ENDOU: variants seen among roughly 807,000 people sequenced by gnomAD.
The protein encoded by ENDOU is endonuclease, poly(U) specific.
ENDOU carries 49 observed loss-of-function variants against 54.2 expected under a neutral mutation model. The ratio of observed to expected loss-of-function variants is 0.90; its 90% CI spans 0.72 to 1.15. ENDOU has a LOEUF of 1.15. Ranked by LOEUF, ENDOU falls within the 50% of genes most tolerant of loss-of-function variation. The pLI, the probability that ENDOU is intolerant of heterozygous loss-of-function variation, is 0.00. For missense variants in ENDOU, 458 were observed against 511.4 expected (o/e 0.90, Z 1.01); for synonymous variants, 172 against 190.5 (o/e 0.90, Z 0.80).
chr12:47,711,305 T>C (rs1329378703), intron 9 of ENDOU, among the ~76,000 whole-genome samples: 1 of 152,190 alleles, frequency 6.6e-6, no homozygotes, highest in Non-Finnish European at 1.5e-5. Context: ...TCTGGAGCTC[T>C]AGGTTCCCCT....
At position 47,717,650 on chromosome 12, in the gene ENDOU, A is replaced by G. The variant is rs755268421; in HGVS notation, c.250T>C (p.Tyr84His). The G allele has an allele frequency of 6.8e-6, 11 of 1,614,040 alleles. No homozygotes were observed. The South Asian group carries it at 1.2e-4, about 18-fold the overall frequency. The change falls in exon 4 of 10, where the codon TAC (tyrosine) becomes CAC (histidine). Residue 84 changes from tyrosine to histidine, a missense_variant. Coordinates refer to ENST00000422538, the MANE Select transcript of ENDOU (RefSeq NM_001172439.2). ...CCCTGGCAGGAGGTGGGTGCCGAGT[A>G]CAAGTCTGAGAAGAGAGGGGTGGTG... The part of the protein sequence containing the change: ...ETEEALASNL[Y>H]SAPTSCQGRC...
rs1940014515 is a variant in ENDOU at position 47,711,714 on chromosome 12, ACTTC to A, written c.1030_1033del (p.Glu344TrpfsTer31). ...GCTGCTGCCGATGAAAGCAGAGCCC[ACTTC>A]CTTATAGTAGCCGTCCCAGTTGAAC... On this transcript the variant is annotated frameshift_variant, in exon 9 of 10. Coordinates refer to ENST00000422538, the MANE Select transcript of ENDOU (RefSeq NM_001172439.2). LOFTEE classifies it high-confidence loss of function. The A allele has an allele frequency of 1.9e-6, 3 of 1,614,112 alleles. No individual in the cohort carries two copies. Among genetic ancestry groups the A allele is most frequent in the Non-Finnish European group, 2.5e-6 (3 of 1,180,052 alleles).
chr12:47,722,895 G>A (rs983324401), intron 1 of ENDOU, among the ~76,000 whole-genome samples: 5 of 152,202 alleles, frequency 3.3e-5, no homozygotes, highest in East Asian at 1.9e-4. Context: ...CCTTCAAGCC[G>A]GCAGGAACTC....
intron 6 of ENDOU, among the ~76,000 whole-genome samples, chr12:47,715,984 T>G (rs927192215): frequency 6.6e-6 from 1 of 151,702 alleles, no homozygotes; most frequent in Non-Finnish European, 1.5e-5. Context: ...GGGGGTGGGA[T>G]GTGAGGGGAG....
At chr12:47,711,101 C>T (rs1255009774) in intron 9 of ENDOU, among the ~76,000 whole-genome samples, 182 bp from the exon 10 acceptor site, 1 of 152,242 alleles carries the variant, frequency 6.6e-6, no homozygotes, top group Non-Finnish European at 1.5e-5. Context: ...GGAGCCATTT[C>T]AAAATCTTTG....
At chr12:47,723,476 G>T (rs1463731667) in intron 1 of ENDOU, among the ~76,000 whole-genome samples, 1 of 152,184 alleles carries the variant, frequency 6.6e-6, no homozygotes, top group Non-Finnish European at 1.5e-5. Flanking sequence ...AATCACTGCT[G>T]TAGTAACCTG....
chr12:47,714,362 T>C (rs528180379), intron 6 of ENDOU, among the ~76,000 whole-genome samples: 2 of 152,364 alleles, frequency 1.3e-5, no homozygotes, highest in East Asian at 3.9e-4. Flanking sequence ...TGATAGGACC[T>C]TTTAAAAGAT....
chr12:47,710,900 C>T lies in ENDOU; in HGVS notation c.1135G>A (p.Gly379Arg), dbSNP rs369505682. Residue 379 changes from glycine to arginine, a missense_variant, in exon 10 of 10, where the codon GGA becomes AGA. By Grantham distance (125) the Gly-to-Arg change is moderately radical. Transcript: ENST00000422538. The stretch of plus-strand genomic sequence containing the variant: ...TATGTCCGGACAGCTAAGGGATATC[C>T]TCCCAGGCTTAACTGGCACCTGTGG... ...PGKVCQLSLG[G>R]YPLAVRTYTW... The T allele has an allele frequency of 3.6e-5, 58 of 1,612,590 alleles. No homozygotes were observed. Among genetic ancestry groups the T allele is most frequent in the Non-Finnish European group, 4.8e-5 (56 of 1,178,926 alleles).
Position 47,716,895 on chromosome 12 carries a change from T to TG in ENDOU, c.545dup (p.Pro184AlafsTer8). On this transcript the variant is annotated frameshift_variant, in exon 5 of 10. Transcript: ENST00000422538. LOFTEE classifies it high-confidence loss of function. ...GAGGAATTGTGGGAACTCACGGCTT[T>TG]GGGCAGCGATCCACTTGGTTTCTGG... 1 of 1,614,074 alleles carries TG rather than the reference T, an allele frequency of 6.2e-7. No individual in the cohort carries two copies. Among genetic ancestry groups the TG allele is most frequent in the Non-Finnish European group, 8.5e-7 (1 of 1,180,010 alleles).
In ENDOU at chr12:47,710,741, A is replaced by G; in HGVS notation, c.*61T>C. The G allele has an allele frequency of 8.8e-7, 1 of 1,131,958 alleles. No homozygotes were observed. Among genetic ancestry groups the G allele is most frequent in the Non-Finnish European group, 1.4e-6 (1 of 740,028 alleles). The allele number at this position is 1,131,958 out of a possible 1,614,324, so 70.1% of individuals were successfully genotyped here. Reference sequence around the variant, plus strand: ...GTCCTCTCCCTCTTCTCTCTAGTCCAGAGAAGATAGCACTTCAGTCTCGCA... The same window carrying G: ...GTCCTCTCCCTCTTCTCTCTAGTCCGGAGAAGATAGCACTTCAGTCTCGCA... On this transcript the variant is annotated 3_prime_UTR_variant, in exon 10 of 10. Transcript: ENST00000422538.
intron 6 of ENDOU, among the ~76,000 whole-genome samples, chr12:47,715,506 TTCTTCA>T: frequency 6.6e-6 from 1 of 152,218 alleles, no homozygotes; most frequent in East Asian, 1.9e-4. Flanking sequence ...GGATTGCAAC[TTCTTCA>T]TAGAGTCACT....
intron 5 of ENDOU, 137 bp downstream of exon 5, chr12:47,716,752 GC>G (rs1940252760): frequency 2.3e-6 from 2 of 862,652 alleles, no homozygotes; most frequent in African/African-American, 3.4e-5. Context: ...CCTCAAGATG[GC>G]TTTGTCTCTG....
At chr12:47,725,055 TG>T (rs1940542973) in intron 1 of ENDOU, among the ~76,000 whole-genome samples, 1 of 151,970 alleles carries the variant, frequency 6.6e-6, no homozygotes, top group Non-Finnish European at 1.5e-5. Context: ...AACAAAATCT[TG>T]GGGAGATCAA....
intron 1 of ENDOU, among the ~76,000 whole-genome samples, chr12:47,721,599 C>T (rs367590169): frequency 7.9e-5 from 12 of 152,312 alleles, no homozygotes; most frequent in Admixed American, 5.2e-4. Flanking sequence ...TGAATTTATG[C>T]TCAGGGTGGG....
chr12:47,717,791 T>C, intron 3 of ENDOU, 136 bp from the exon 4 acceptor site: 1 of 885,428 alleles, frequency 1.1e-6, no homozygotes, highest in Non-Finnish European at 1.7e-6. Flanking sequence ...CAAACAAACC[T>C]AATTCGTGCA....
chr12:47,716,614 G>A (rs1255455792), intron 5 of ENDOU, 115 bp from the exon 6 acceptor site: 3 of 928,266 alleles, frequency 3.2e-6, no homozygotes, highest in African/African-American at 1.7e-5. Context: ...CAGGAGCCGA[G>A]GGGGCACTTC....
chr12:47,720,707 C>T, intron 2 of ENDOU, 46 bp downstream of exon 2: 2 of 1,529,394 alleles, frequency 1.3e-6, no homozygotes, highest in East Asian at 2.5e-5. Flanking sequence ...AGGCCAGTGG[C>T]CCCTTAGACA....
rs1940098157 is a variant in ENDOU at position 47,713,206 on chromosome 12, C to T, written c.865+69G>A. 4.5e-6 allele frequency: 5 copies of T among 1,101,314 alleles called. No individual in the cohort carries two copies. The South Asian group carries it at 5.0e-5, about 11-fold the overall frequency. The allele number at this position is 1,101,314 out of a possible 1,614,324, so 68.2% of individuals were successfully genotyped here. On this transcript the variant is annotated intron_variant, in intron 7 of 9. Coordinates refer to ENST00000422538, the MANE Select transcript of ENDOU (RefSeq NM_001172439.2). ...GCTGATTAATCCACACCCAGGGCTGCCCTGCTCCTGAGCAAAGCCATTCCT... is the reference window on the plus strand; with the variant it reads ...GCTGATTAATCCACACCCAGGGCTGTCCTGCTCCTGAGCAAAGCCATTCCT...
chr12:47,720,008 A>G (rs1166005743), intron 2 of ENDOU: 1 of 152,264 alleles, frequency 6.6e-6, no homozygotes, highest in East Asian at 1.9e-4. Flanking sequence ...CAACCTGTGC[A>G]ATGATTATGC....
Sources: allele counts gnomAD v4.1 joint callset (sites outside exome capture counted in the v4.1 genomes callset), GRCh38; gene constraint gnomAD v4.1.1; transcripts MANE v1.5; gene names NCBI Gene and HGNC (gene_info 2026-07-23, HGNC 2026-07-21).